Variants in CACNA1C observed in about 807,000 individuals in gnomAD.
The protein encoded by CACNA1C is calcium voltage-gated channel subunit alpha1 C, also known as voltage-dependent L-type calcium channel subunit alpha-1C.
Under a neutral mutation model 229.0 loss-of-function variants are expected in CACNA1C, and 30 were observed. That is an observed-to-expected ratio of 0.13 (90% confidence interval 0.10 to 0.18). The LOEUF is 0.18. Ranked by LOEUF, CACNA1C falls within the 10% of genes least tolerant of loss-of-function variation. The probability of loss-of-function intolerance (pLI) is 1.00; values close to 1 mark genes in which losing one functional copy is unlikely to be tolerated. For missense variants in CACNA1C, 1,658 were observed against 2,845.0 expected, an observed-to-expected ratio of 0.58 and a Z score of 9.49; for synonymous variants, 1,114 against 1,132.5, an observed-to-expected ratio of 0.98 and a Z score of 0.33.
At chr12:2,434,249 G>A (rs145369454) in intron 3 of CACNA1C, among the ~76,000 whole-genome samples, 3 of 152,210 alleles carry the variant, frequency 2.0e-5, no homozygotes, top group East Asian at 1.9e-4. Context: ...ACATCTCCAC[G>A]GGGAGGCCAT....
At position 2,597,050 on chromosome 12, in the gene CACNA1C, G is replaced by A. The variant is rs1399020005; in HGVS notation, c.2794-180G>A. 6.6e-6 allele frequency among the ~76,000 whole-genome samples: 1 copy of A among 152,094 alleles called. No individual in the cohort carries two copies. Among genetic ancestry groups the A allele is most frequent in the African/African-American group, 2.4e-5 (1 of 41,416 alleles). On this transcript the variant is annotated intron_variant, in intron 20 of 46. Transcript: ENST00000399655. This position sits in a 1 kb window ranked among gnomAD's most constrained non-coding sequence, Gnocchi z 4.3. ...CCTGAGGCTAGCCCCGCCTCAGGAT[G>A]TCTGTGTGTGTGCCGCTTGCCCCCC...
At chr12:2,169,580 TGTG>T (rs2096390903) in intron 3 of CACNA1C, among the ~76,000 whole-genome samples, 1 of 152,234 alleles carries the variant, frequency 6.6e-6, no homozygotes, top group African/African-American at 2.4e-5. Flanking sequence ...TCTGTCATGT[TGTG>T]GTCACTGAAT....
intron 3 of CACNA1C, among the ~76,000 whole-genome samples, chr12:2,338,651 G>A (rs750718871): frequency 6.6e-6 from 1 of 152,202 alleles, no homozygotes; most frequent in African/African-American, 2.4e-5. Context: ...GGTTGGCAAG[G>A]TTGGTGTGAA....
chr12:2,551,025 A>T (rs904281904), intron 10 of CACNA1C, among the ~76,000 whole-genome samples: 2 of 152,232 alleles, frequency 1.3e-5, no homozygotes, highest in Admixed American at 1.3e-4. Context: ...TTACATTTTT[A>T]AGCAGCAGTG....
intron 3 of CACNA1C, among the ~76,000 whole-genome samples, chr12:2,352,603 A>G (rs1466100794): frequency 1.3e-5 from 2 of 151,750 alleles, no homozygotes; most frequent in Non-Finnish European, 2.9e-5. Context: ...TTGTTGGGGG[A>G]AATAGACTCT....
chr12:2,213,214 C>G (rs10160934), intron 3 of CACNA1C, among the ~76,000 whole-genome samples: 13,990 of 152,144 alleles, frequency 0.092, 2,091 homozygotes, highest in African/African-American at 0.32. Context: ...GGGCCCTGCT[C>G]CAATCTGGAA....
At chr12:2,241,528 C>G (rs963636147) in intron 3 of CACNA1C, among the ~76,000 whole-genome samples, 4 of 152,116 alleles carry the variant, frequency 2.6e-5, no homozygotes, top group African/African-American at 9.7e-5. Context: ...GCAGGACCAG[C>G]TATGTGTATT....
chr12:2,059,574 T>C (rs2056639435), intron 1 of CACNA1C, among the ~76,000 whole-genome samples: 1 of 151,934 alleles, frequency 6.6e-6, no homozygotes, highest in South Asian at 2.1e-4. Context: ...ACCTTCACTT[T>C]AAAATGGGCT....
chr12:2,060,205 G>A (rs1361516557), intron 1 of CACNA1C, among the ~76,000 whole-genome samples: 2 of 152,178 alleles, frequency 1.3e-5, no homozygotes, highest in Admixed American at 6.5e-5. Context: ...AGAGTGGGAT[G>A]GGGATGGGAA....
chr12:2,336,301 C>T (rs538414459), intron 3 of CACNA1C, among the ~76,000 whole-genome samples: 9 of 152,314 alleles, frequency 5.9e-5, no homozygotes, highest in Non-Finnish European at 8.8e-5. Flanking sequence ...GAATTAGAGA[C>T]GGCTTTATTA....
chr12:1,981,147 A>T (rs190535255), intron 1 of CACNA1C, among the ~76,000 whole-genome samples: 13 of 152,298 alleles, frequency 8.5e-5, no homozygotes, highest in African/African-American at 3.1e-4. Context: ...ACTTGTAGGT[A>T]AATGTTACCA....
chr12:2,251,061 C>G (rs2075414408), intron 3 of CACNA1C, among the ~76,000 whole-genome samples: 1 of 152,214 alleles, frequency 6.6e-6, no homozygotes, highest in Non-Finnish European at 1.5e-5. Flanking sequence ...AGTCATGTCA[C>G]TTTGGAAGAG....
intron 1 of CACNA1C, among the ~76,000 whole-genome samples, chr12:2,010,566 C>T (rs1009949965): frequency 6.6e-6 from 1 of 152,110 alleles, no homozygotes; most frequent in African/African-American, 2.4e-5. Flanking sequence ...TTGAATTGAC[C>T]ACTCTCTTTG....
chr12:2,104,639 G>A (rs1285591648), intron 1 of CACNA1C, among the ~76,000 whole-genome samples: 2 of 152,176 alleles, frequency 1.3e-5, no homozygotes, highest in Non-Finnish European at 2.9e-5. Flanking sequence ...GGGCATCCTT[G>A]TCTTGTGCCA....
intron 8 of CACNA1C, among the ~76,000 whole-genome samples, chr12:2,510,284 G>T (rs533406333): frequency 1.1e-4 from 16 of 152,276 alleles, no homozygotes; most frequent in Non-Finnish European, 1.6e-4. Context: ...AGAGAGCCAG[G>T]CACTGCCACC....
chr12:2,088,497 G>A (rs538935984), intron 1 of CACNA1C, among the ~76,000 whole-genome samples: 6 of 152,280 alleles, frequency 3.9e-5, no homozygotes, highest in Admixed American at 2.0e-4. Flanking sequence ...TGTGAAGTGG[G>A]CGTCATAATA....
At chr12:2,676,351 T>C (rs1370752343) in intron 39 of CACNA1C, 2 of 152,122 alleles carry the variant, frequency 1.3e-5, no homozygotes, top group Non-Finnish European at 2.9e-5. Context: ...GCCCCTAGAT[T>C]TAATCCCCAG....
chr12:2,417,564 T>G (rs1202868160), intron 3 of CACNA1C, among the ~76,000 whole-genome samples: 1 of 152,208 alleles, frequency 6.6e-6, no homozygotes, highest in Non-Finnish European at 1.5e-5. Context: ...GTGCGTGTGC[T>G]GCAGTCTGTT....
intron 3 of CACNA1C, among the ~76,000 whole-genome samples, chr12:2,144,784 C>T (rs917622074): frequency 6.6e-6 from 1 of 151,210 alleles, no homozygotes; most frequent in Non-Finnish European, 1.5e-5. Flanking sequence ...TAGAGTTTTT[C>T]ATCCTGCTAA....
Sources: allele counts gnomAD v4.1 joint callset (sites outside exome capture counted in the v4.1 genomes callset), GRCh38; gene constraint gnomAD v4.1.1; non-coding constraint Gnocchi (gnomAD v3.1); transcripts MANE v1.5; gene names NCBI Gene and HGNC (gene_info 2026-07-23, HGNC 2026-07-21).